Variants in KCNN2 observed in about 807,000 individuals in gnomAD.
The protein encoded by KCNN2 is potassium calcium-activated channel subfamily N member 2, also known as small conductance calcium-activated potassium channel protein 2.
KCNN2 carries 24 observed loss-of-function variants against 55.5 expected under a neutral mutation model. The observed-to-expected ratio is 0.43, with a 90% CI of 0.31 to 0.61. The LOEUF is 0.61. Ranked by LOEUF, KCNN2 falls within the 20% of genes least tolerant of loss-of-function variation. The probability of loss-of-function intolerance (pLI) is 0.08; values close to 1 mark genes in which losing one functional copy is unlikely to be tolerated. For synonymous variants in KCNN2, 431 were observed against 336.1 expected, an observed-to-expected ratio of 1.28 and a Z score of -3.09; for missense variants, 754 against 853.6, an observed-to-expected ratio of 0.88 and a Z score of 1.45.
At chr5:114,173,436 GTT>G (rs1491311052) in intron 1 of KCNN2, among the ~76,000 whole-genome samples, 37 of 87,324 alleles carry the variant, frequency 4.2e-4, no homozygotes, top group South Asian at 2.5e-3. Context: ...TTTTTGTTTT[GTT>G]TGTGTGTGTG....
intron 2 of KCNN2, among the ~76,000 whole-genome samples, chr5:114,314,568 T>C (rs1363022912): frequency 6.6e-6 from 1 of 152,106 alleles, no homozygotes. Context: ...ACTTTAAAAA[T>C]TTTTTACTTT....
chr5:114,457,799 A>T (rs1033919650), intron 3 of KCNN2, among the ~76,000 whole-genome samples: 1 of 152,176 alleles, frequency 6.6e-6, no homozygotes, highest in Non-Finnish European at 1.5e-5. Flanking sequence ...CCTGAGCTGC[A>T]CCTGAGAGAT....
Position 114,487,181 on chromosome 5 carries a change from A to T in KCNN2, c.2018+4A>T. The T allele has an allele frequency of 6.2e-7, 1 of 1,611,950 alleles. No individual in the cohort carries two copies. ...AATTCCTGCAAGCTATTCATCAGTAAGTATCATTTTTCATTTTTATCCTGT... is the reference window on the plus strand; with the variant it reads ...AATTCCTGCAAGCTATTCATCAGTATGTATCATTTTTCATTTTTATCCTGT... On this transcript the variant is annotated splice_donor_region_variant and intron_variant, in intron 6 of 7. Coordinates refer to ENST00000673685, the MANE Select transcript of KCNN2 (RefSeq NM_021614.4).
At chr5:114,150,615 G>T (rs1011750615) in intron 1 of KCNN2, among the ~76,000 whole-genome samples, 8 of 152,018 alleles carry the variant, frequency 5.3e-5, no homozygotes, top group African/African-American at 1.9e-4. Context: ...TAATATGAGG[G>T]CTCAGGAATC....
chr5:114,362,246 A>T lies in KCNN2; in HGVS notation c.107A>T (p.Lys36Met), dbSNP rs1033761635. The T allele has an allele frequency of 3.0e-5, 5 of 169,432 alleles. No homozygotes were observed. The highest frequency in any genetic ancestry group is 6.3e-5 in the Non-Finnish European group (5 of 79,834). The allele number at this position is 169,432 out of a possible 1,614,324, so 10.5% of individuals were successfully genotyped here. A position where few individuals can be genotyped will look rare whatever the true frequency, so the allele number is the denominator to read the frequency against. Reference protein sequence around the residue: ...HCQQQQQSQDKPCPPFAPLPH... With the variant: ...HCQQQQQSQDMPCPPFAPLPH... ...CAGCAGCAGCAACAGAGCCAGGACA[A>T]GCCGTGCCCGCCCTTCGCGCCCCTC... Residue 36 changes from lysine to methionine, a missense_variant, in exon 1 of 8, where the codon AAG becomes ATG. Transcript: ENST00000673685.
intron 1 of KCNN2, among the ~76,000 whole-genome samples, chr5:114,068,693 C>A (rs1750501266): frequency 1.3e-5 from 2 of 152,198 alleles, no homozygotes; most frequent in Non-Finnish European, 2.9e-5. Context: ...GTGTAGTGAA[C>A]TTAATGCATC....
chr5:114,414,883 T>G (rs1580808206), intron 3 of KCNN2, among the ~76,000 whole-genome samples: 1 of 152,176 alleles, frequency 6.6e-6, no homozygotes, highest in African/African-American at 2.4e-5. Context: ...GCCAAGAATT[T>G]TAGGGGCTAT....
At chr5:114,488,671 C>A (rs887045691) in intron 6 of KCNN2, among the ~76,000 whole-genome samples, 3 of 152,098 alleles carry the variant, frequency 2.0e-5, no homozygotes, top group African/African-American at 7.2e-5. Context: ...GTTCCTTAAC[C>A]TATTTTCCTG....
chr5:114,236,749 A>G (rs1329639670), intron 2 of KCNN2, among the ~76,000 whole-genome samples: 4 of 152,156 alleles, frequency 2.6e-5, no homozygotes, highest in South Asian at 2.1e-4. Context: ...GAAATGTGAA[A>G]TATTTTTTCA....
At chr5:114,064,026 G>C (rs1405979491) in intron 1 of KCNN2, among the ~76,000 whole-genome samples, 1 of 152,134 alleles carries the variant, frequency 6.6e-6, no homozygotes, top group Non-Finnish European at 1.5e-5. Context: ...TCCCAGACTT[G>C]TCCGCAGATT....
At chr5:114,354,747 G>GA (rs1320123717) in intron 2 of KCNN2, among the ~76,000 whole-genome samples, 1 of 151,962 alleles carries the variant, frequency 6.6e-6, no homozygotes, top group East Asian at 1.9e-4. Flanking sequence ...TAAGTAGTGA[G>GA]AAAAAAATGT....
At chr5:114,125,827 C>T (rs928935424) in intron 1 of KCNN2, among the ~76,000 whole-genome samples, 3 of 152,148 alleles carry the variant, frequency 2.0e-5, no homozygotes, top group Non-Finnish European at 4.4e-5. Flanking sequence ...CAAATTTCCT[C>T]TTATAAGTAC....
At chr5:114,163,685 C>T (rs534712749) in intron 1 of KCNN2, among the ~76,000 whole-genome samples, 37 of 152,186 alleles carry the variant, frequency 2.4e-4, no homozygotes, top group African/African-American at 8.7e-4. Flanking sequence ...CTCTGGTGTT[C>T]CTGATGTGCA....
At chr5:114,109,644 G>A (rs1045314755) in intron 1 of KCNN2, among the ~76,000 whole-genome samples, 2 of 152,058 alleles carry the variant, frequency 1.3e-5, no homozygotes, top group African/African-American at 2.4e-5. Flanking sequence ...GAGAACTCAG[G>A]TTTTGTAGTT....
intron 1 of KCNN2, among the ~76,000 whole-genome samples, chr5:114,131,971 G>C (rs959814815): frequency 4.6e-5 from 7 of 151,964 alleles, no homozygotes; most frequent in Non-Finnish European, 7.4e-5. Flanking sequence ...TTTTTAATGG[G>C]GTTGTTTGTT....
chr5:114,477,015 C>G (rs1361738608), intron 5 of KCNN2, among the ~76,000 whole-genome samples: 1 of 152,112 alleles, frequency 6.6e-6, no homozygotes, highest in East Asian at 1.9e-4. Context: ...TTCTAAAATG[C>G]TGAATGATTT....
intron 1 of KCNN2, among the ~76,000 whole-genome samples, chr5:114,110,290 T>G (rs552645882): frequency 1.3e-5 from 2 of 150,918 alleles, no homozygotes; most frequent in Admixed American, 6.6e-5. Context: ...GACATAACCA[T>G]GGTGTGTAAA....
intron 3 of KCNN2, among the ~76,000 whole-genome samples, chr5:114,438,414 G>A (rs1243549161): frequency 2.0e-5 from 3 of 152,082 alleles, no homozygotes; most frequent in Admixed American, 1.3e-4. Context: ...TCCAGAGATG[G>A]GACATAGTGG....
chr5:114,330,909 C>T (rs929116362), intron 2 of KCNN2, among the ~76,000 whole-genome samples: 1 of 152,158 alleles, frequency 6.6e-6, no homozygotes, highest in Non-Finnish European at 1.5e-5. Flanking sequence ...AAAAAATTAG[C>T]AGGGGTTCAA....
Sources: gnomAD v4.1 joint callset for allele counts (sites outside exome capture counted in the v4.1 genomes callset) on GRCh38, gnomAD v4.1.1 for gene constraint, MANE v1.5 for transcripts, NCBI Gene and HGNC (gene_info 2026-07-23, HGNC 2026-07-21) for gene names.